The following BLTP1 variants were observed in gnomAD, a reference collection of about 807,000 sequenced individuals.
The protein encoded by BLTP1 is fragile site-associated protein.
At chr4:122,258,676 C>A in the BLTP1 span, 13 of 1,600,600 alleles carry the variant, frequency 8.1e-6, no homozygotes, top group African/African-American at 1.3e-5. Flanking sequence ...ATCTATTGCT[C>A]ACTTATTCTT....
At chr4:122,175,264 C>T in the BLTP1 span, 1 of 984,696 alleles carries the variant, frequency 1.0e-6, no homozygotes, top group South Asian at 4.7e-5. Flanking sequence ...GAGGAGACAA[C>T]TTCTATACTA....
chr4:122,158,720 G>A, the BLTP1 span, among the ~76,000 whole-genome samples: 2 of 152,112 alleles, frequency 1.3e-5, no homozygotes, highest in Admixed American at 6.5e-5. Flanking sequence ...GCAGTGAGCT[G>A]AGATTGCGCC....
chr4:122,336,037 AAC>A, the BLTP1 span: 1 of 572,942 alleles, frequency 1.7e-6, no homozygotes, highest in South Asian at 2.6e-5. Context: ...TTCTAACATT[AAC>A]ATATCATTCC....
the BLTP1 span, among the ~76,000 whole-genome samples, chr4:122,183,695 G>A: frequency 6.6e-6 from 1 of 152,136 alleles, no homozygotes; most frequent in Non-Finnish European, 1.5e-5. Flanking sequence ...TAAAGTATTA[G>A]TTATTTCCAA....
the BLTP1 span, among the ~76,000 whole-genome samples, chr4:122,212,899 A>G: frequency 1.3e-5 from 1 of 78,604 alleles, no homozygotes; most frequent in African/African-American, 3.1e-5. Flanking sequence ...CTATTAAAGC[A>G]AATTGTAAAA....
the BLTP1 span, chr4:122,264,431 A>G: frequency 3.8e-6 from 6 of 1,594,850 alleles, no homozygotes; most frequent in South Asian, 1.2e-5. Flanking sequence ...TGCACAGGTG[A>G]GCCAGCCTGC....
At chr4:122,359,590 C>G in the BLTP1 span, 2 of 1,611,088 alleles carry the variant, frequency 1.2e-6, no homozygotes, top group Admixed American at 1.7e-5. Context: ...TCTACTCGAC[C>G]AGGACAAAAA....
chr4:122,272,346 C>T, the BLTP1 span: 1 of 1,613,010 alleles, frequency 6.2e-7, no homozygotes, highest in African/African-American at 1.3e-5. Flanking sequence ...GGTGGACTAA[C>T]AATGGAATCA....
the BLTP1 span, among the ~76,000 whole-genome samples, chr4:122,354,272 A>C: frequency 1.3e-5 from 2 of 152,208 alleles, no homozygotes; most frequent in Non-Finnish European, 2.9e-5. Flanking sequence ...AGTTTATTAC[A>C]TTGAGAAATA....
At chr4:122,182,966 A>G in the BLTP1 span, 4 of 984,126 alleles carry the variant, frequency 4.1e-6, no homozygotes, top group Non-Finnish European at 4.8e-6. Flanking sequence ...TCATACGTGT[A>G]TTCTGGTGAG....
At chr4:122,194,615 G>T in the BLTP1 span, 1 of 979,376 alleles carries the variant, frequency 1.0e-6, no homozygotes. Flanking sequence ...GTTATGTATT[G>T]TTTGCGAAGA....
chr4:122,339,412 T>G, the BLTP1 span: 12 of 1,605,034 alleles, frequency 7.5e-6, no homozygotes, highest in Non-Finnish European at 1.0e-5. Context: ...ATACCAGGTA[T>G]AGATAATGTT....
chr4:122,204,499 G>A, the BLTP1 span: 1 of 979,102 alleles, frequency 1.0e-6, no homozygotes, highest in Non-Finnish European at 1.2e-6. Context: ...GACTTGGGCA[G>A]ACTTATGAGG....
At chr4:122,203,388 G>T in the BLTP1 span, among the ~76,000 whole-genome samples, 2 of 135,030 alleles carry the variant, frequency 1.5e-5, no homozygotes, top group African/African-American at 5.2e-5. Context: ...CTCTGATAAG[G>T]AGGAGAAGAA....
the BLTP1 span, chr4:122,336,813 A>G: frequency 2.7e-6 from 4 of 1,486,998 alleles, no homozygotes; most frequent in African/African-American, 1.4e-5. Flanking sequence ...AGTATAAACA[A>G]TAAGGATCTT....
At chr4:122,262,366 A>G in the BLTP1 span, among the ~76,000 whole-genome samples, 7 of 152,090 alleles carry the variant, frequency 4.6e-5, no homozygotes, top group East Asian at 1.9e-4. Context: ...TGAAGTTTCA[A>G]TATACTATTT....
the BLTP1 span, chr4:122,333,670 C>T: frequency 2.0e-5 from 33 of 1,610,318 alleles, no homozygotes; most frequent in Non-Finnish European, 2.7e-5. Flanking sequence ...CAAGATTCAC[C>T]TTCAAAAAAG....
chr4:122,204,029 C>T, the BLTP1 span: 1 of 187,474 alleles, frequency 5.3e-6, no homozygotes. Context: ...TAAAATACAA[C>T]CAATATACAT....
chr4:122,260,930 A>G, the BLTP1 span, among the ~76,000 whole-genome samples: 3 of 152,312 alleles, frequency 2.0e-5, no homozygotes, highest in South Asian at 6.2e-4. Context: ...TGATCACCGA[A>G]GTACACTGAT....
Sources: gnomAD v4.1 joint callset for allele counts (sites outside exome capture counted in the v4.1 genomes callset) on GRCh38, gnomAD v4.1.1 for gene constraint, MANE v1.5 for transcripts, NCBI Gene and HGNC (gene_info 2026-07-23, HGNC 2026-07-21) for gene names.